Variants in NR2F1-AS1 observed in about 807,000 individuals in gnomAD.
NR2F1-AS1 encodes NR2F1 antisense RNA 1.
intron 4 of NR2F1-AS1, among the ~76,000 whole-genome samples, chr5:93,533,253 T>G (rs1400187023): frequency 6.6e-6 from 1 of 152,104 alleles, no homozygotes; most frequent in Non-Finnish European, 1.5e-5. Context: ...CTGGGAAAAT[T>G]GATTTTAAGA....
chr5:93,431,055 C>G (rs752579810), intron 4 of NR2F1-AS1, among the ~76,000 whole-genome samples: 6 of 152,112 alleles, frequency 3.9e-5, no homozygotes, highest in Non-Finnish European at 7.4e-5. Context: ...TTTGAAAAAG[C>G]CTTGAGCATT....
intron 4 of NR2F1-AS1, among the ~76,000 whole-genome samples, chr5:93,516,895 C>T (rs1397933492): frequency 6.6e-6 from 1 of 151,862 alleles, no homozygotes; most frequent in African/African-American, 2.4e-5. Context: ...CTTCTTCCAC[C>T]ATGCAATGCA....
intron 1 of NR2F1-AS1, among the ~76,000 whole-genome samples, chr5:93,576,525 A>G (rs1752899439): frequency 6.6e-6 from 1 of 152,012 alleles, no homozygotes; most frequent in Non-Finnish European, 1.5e-5. Context: ...GACAGTTTAG[A>G]AGGAAATGTT....
intron 4 of NR2F1-AS1, among the ~76,000 whole-genome samples, chr5:93,444,230 G>T (rs1749640478): frequency 6.6e-6 from 1 of 152,162 alleles, no homozygotes; most frequent in African/African-American, 2.4e-5. Flanking sequence ...TGGGCTAAAT[G>T]CTCCAGTTAA....
intron 4 of NR2F1-AS1, among the ~76,000 whole-genome samples, chr5:93,462,149 C>A (rs1750108991): frequency 6.6e-6 from 1 of 152,090 alleles, no homozygotes; most frequent in Admixed American, 6.6e-5. Context: ...TTGGCTGTGT[C>A]CCCACCCAAA....
chr5:93,504,652 T>C (rs1163631505), intron 4 of NR2F1-AS1, among the ~76,000 whole-genome samples: 1 of 151,770 alleles, frequency 6.6e-6, no homozygotes, highest in Admixed American at 6.6e-5. Flanking sequence ...ACTTCTTACA[T>C]GGCAGCAGCA....
intron 4 of NR2F1-AS1, among the ~76,000 whole-genome samples, chr5:93,547,206 C>T (rs11952115): frequency 0.2 from 30,313 of 152,018 alleles, 4,567 homozygotes; most frequent in African/African-American, 0.43. Flanking sequence ...TGGTTCCGTT[C>T]CTCTGGGGAA....
chr5:93,444,630 A>G (rs138449258), intron 4 of NR2F1-AS1, among the ~76,000 whole-genome samples: 20 of 152,326 alleles, frequency 1.3e-4, no homozygotes, highest in African/African-American at 4.8e-4. Context: ...TGTCAACATT[A>G]GACAGATCAA....
At chr5:93,585,018 A>G, upstream of NR2F1-AS1, 1 of 1,006,838 alleles carries the variant, frequency 9.9e-7, no homozygotes, top group Non-Finnish European at 1.2e-6. Flanking sequence ...CCCCGGGCCC[A>G]AAGATATGGC....
intron 4 of NR2F1-AS1, among the ~76,000 whole-genome samples, chr5:93,494,124 A>C (rs984651943): frequency 2.0e-5 from 3 of 152,200 alleles, no homozygotes; most frequent in Non-Finnish European, 2.9e-5. Flanking sequence ...AATATGCAGA[A>C]TACATAAAGA....
At chr5:93,518,308 G>T (rs1751437284) in intron 4 of NR2F1-AS1, among the ~76,000 whole-genome samples, 1 of 152,056 alleles carries the variant, frequency 6.6e-6, no homozygotes, top group Non-Finnish European at 1.5e-5. Flanking sequence ...CCAATGAACT[G>T]CTCTTTTTCA....
intron 4 of NR2F1-AS1, among the ~76,000 whole-genome samples, chr5:93,431,489 A>G (rs1294419757): frequency 1.3e-5 from 2 of 152,200 alleles, no homozygotes; most frequent in African/African-American, 4.8e-5. Flanking sequence ...ACATGAAAAC[A>G]TTGACTTTTG....
chr5:93,553,090 G>T (rs909379277), intron 4 of NR2F1-AS1, among the ~76,000 whole-genome samples: 2 of 150,126 alleles, frequency 1.3e-5, no homozygotes, highest in Admixed American at 1.3e-4. Context: ...AAATGGAAGA[G>T]AATCTTTCCT....
intron 4 of NR2F1-AS1, among the ~76,000 whole-genome samples, chr5:93,524,072 ATC>A (rs1464186374): frequency 1.3e-5 from 2 of 152,126 alleles, no homozygotes; most frequent in African/African-American, 4.8e-5. Context: ...CTGAAGGAGC[ATC>A]TTCTAACCCA....
chr5:93,537,802 C>A (rs1015961357), intron 4 of NR2F1-AS1, among the ~76,000 whole-genome samples: 5 of 152,118 alleles, frequency 3.3e-5, no homozygotes, highest in Non-Finnish European at 7.4e-5. Flanking sequence ...ACTGGATATA[C>A]AGCAGGTACT....
intron 4 of NR2F1-AS1, among the ~76,000 whole-genome samples, chr5:93,486,947 C>T (rs1561463427): frequency 6.6e-6 from 1 of 152,124 alleles, no homozygotes; most frequent in African/African-American, 2.4e-5. Flanking sequence ...TCAACATATG[C>T]AAATCAATAA....
intron 4 of NR2F1-AS1, among the ~76,000 whole-genome samples, chr5:93,513,053 A>G (rs908192954): frequency 6.6e-6 from 1 of 152,176 alleles, no homozygotes; most frequent in African/African-American, 2.4e-5. Flanking sequence ...GCCAACAAAC[A>G]TATGAAAAAT....
intron 4 of NR2F1-AS1, among the ~76,000 whole-genome samples, chr5:93,485,858 C>T (rs924047853): frequency 6.2e-5 from 9 of 145,414 alleles, no homozygotes; most frequent in African/African-American, 1.0e-4. Context: ...GACTTGGAAC[C>T]AACCCAAATG....
intron 4 of NR2F1-AS1, among the ~76,000 whole-genome samples, chr5:93,508,091 AGGT>A (rs1161456604): frequency 2.0e-5 from 3 of 152,210 alleles, no homozygotes; most frequent in Non-Finnish European, 4.4e-5. Flanking sequence ...AATTCCATGA[AGGT>A]TGTTAACAGA....
Sources: gnomAD v4.1 joint callset for allele counts (sites outside exome capture counted in the v4.1 genomes callset) on GRCh38, gnomAD v4.1.1 for gene constraint, MANE v1.5 for transcripts, NCBI Gene and HGNC (gene_info 2026-07-23, HGNC 2026-07-21) for gene names.